Variants in PRTFDC1 observed in about 807,000 individuals in gnomAD.
PRTFDC1 encodes the protein phosphoribosyl transferase domain containing 1.
Under a neutral mutation model 34.6 loss-of-function variants are expected in PRTFDC1, and 38 were observed. That is an observed-to-expected ratio of 1.10 (90% CI 0.85 to 1.44). PRTFDC1 has a LOEUF of 1.44. Ranked by LOEUF, PRTFDC1 falls within the 40% of genes most tolerant of loss-of-function variation. The probability of loss-of-function intolerance (pLI) is 0.00; values close to 1 mark genes in which losing one functional copy is unlikely to be tolerated. For missense variants in PRTFDC1, 270 were observed against 283.0 expected, an observed-to-expected ratio of 0.95 and a Z score of 0.33; for synonymous variants, 93 against 98.1, an observed-to-expected ratio of 0.95 and a Z score of 0.31.
At chr10:24,946,553 C>T (rs1407255037) in intron 1 of PRTFDC1, among the ~76,000 whole-genome samples, 1 of 152,152 alleles carries the variant, frequency 6.6e-6, no homozygotes, top group East Asian at 1.9e-4. Flanking sequence ...ATGGAAATCT[C>T]ACACACCTGG....
intron 3 of PRTFDC1, among the ~76,000 whole-genome samples, chr10:24,895,080 A>G (rs1024634831): frequency 6.6e-6 from 1 of 152,154 alleles, no homozygotes; most frequent in Admixed American, 6.5e-5. Flanking sequence ...CTAAGATCAC[A>G]AAACTGGATG....
At chr10:24,942,191 T>C in intron 2 of PRTFDC1, 139 bp downstream of exon 2, 1 of 626,056 alleles carries the variant, frequency 1.6e-6, no homozygotes, top group Non-Finnish European at 2.9e-6. Context: ...TTATTCCAAA[T>C]TCACTGCCCT....
At chr10:24,907,325 T>G (rs1848552242) in intron 3 of PRTFDC1, among the ~76,000 whole-genome samples, 1 of 152,200 alleles carries the variant, frequency 6.6e-6, no homozygotes, top group Admixed American at 6.5e-5. Flanking sequence ...CTGGGTGTGG[T>G]GGCTCATGCC....
At chr10:24,908,484 A>G in intron 3 of PRTFDC1, 1 of 1,610,394 alleles carries the variant, frequency 6.2e-7, no homozygotes, top group South Asian at 1.1e-5. Context: ...GCTACTGTAC[A>G]CCTCACTGGA....
At chr10:24,929,858 T>C (rs1848944293) in intron 3 of PRTFDC1, among the ~76,000 whole-genome samples, 1 of 152,114 alleles carries the variant, frequency 6.6e-6, no homozygotes, top group Admixed American at 6.6e-5. Flanking sequence ...CAAAGTCCCT[T>C]AGAATAGATA....
intron 3 of PRTFDC1, among the ~76,000 whole-genome samples, chr10:24,932,756 G>A: frequency 6.6e-6 from 1 of 152,126 alleles, no homozygotes; most frequent in East Asian, 1.9e-4. Context: ...ATTCTAATGT[G>A]TTATTTTGTA....
At chr10:24,862,855 G>A (rs60665799) in intron 4 of PRTFDC1, among the ~76,000 whole-genome samples, 4,157 of 152,024 alleles carry the variant, frequency 0.027, 188 homozygotes, top group African/African-American at 0.091. Context: ...TCTGGGATCA[G>A]CGATCTTTAA....
intron 3 of PRTFDC1, among the ~76,000 whole-genome samples, chr10:24,881,276 A>G (rs920849661): frequency 1.3e-5 from 2 of 151,748 alleles, no homozygotes; most frequent in African/African-American, 2.4e-5. Flanking sequence ...TACTATGTTG[A>G]CCAGGCTGGT....
chr10:24,942,269 T>G, intron 2 of PRTFDC1, 61 bp downstream of exon 2: 1 of 1,352,232 alleles, frequency 7.4e-7, no homozygotes, highest in Non-Finnish European at 1.1e-6. Context: ...TATTGTGGGA[T>G]TCACACAAGT....
chr10:24,914,809 A>G (rs1370402238), intron 3 of PRTFDC1, among the ~76,000 whole-genome samples: 1 of 152,204 alleles, frequency 6.6e-6, no homozygotes, highest in Non-Finnish European at 1.5e-5. Context: ...TCTTTCTCAC[A>G]TTAAAACAAG....
chr10:24,878,241 C>A (rs991558804), intron 3 of PRTFDC1, among the ~76,000 whole-genome samples: 2 of 151,842 alleles, frequency 1.3e-5, no homozygotes, highest in Non-Finnish European at 2.9e-5. Context: ...CCACTGCACT[C>A]CAGCCTGGGC....
intron 3 of PRTFDC1, among the ~76,000 whole-genome samples, chr10:24,898,404 C>G (rs1019849620): frequency 7.0e-6 from 1 of 142,330 alleles, no homozygotes; most frequent in African/African-American, 2.6e-5. Flanking sequence ...GTCGAGGCTG[C>G]AGTGAGCCAT....
At chr10:24,865,403 C>T (rs533288749) in intron 4 of PRTFDC1, among the ~76,000 whole-genome samples, 2 of 152,260 alleles carry the variant, frequency 1.3e-5, no homozygotes, top group East Asian at 3.9e-4. Context: ...ACACACCATG[C>T]CTCCTAAACA....
intron 4 of PRTFDC1, among the ~76,000 whole-genome samples, chr10:24,871,122 A>G (rs1847861672): frequency 6.7e-6 from 1 of 149,686 alleles, no homozygotes; most frequent in South Asian, 2.1e-4. Context: ...TCCTATGATT[A>G]TTACACATAT....
chr10:24,895,088 A>T (rs542332216), intron 3 of PRTFDC1, among the ~76,000 whole-genome samples: 104 of 152,280 alleles, frequency 6.8e-4, no homozygotes, highest in Middle Eastern at 3.4e-3. Context: ...ACAAAACTGG[A>T]TGCCACCTTA....
intron 3 of PRTFDC1, among the ~76,000 whole-genome samples, chr10:24,876,056 A>G (rs1847958155): frequency 6.6e-6 from 1 of 151,996 alleles, no homozygotes. Context: ...AATACTTGAT[A>G]GGGCAAGTCT....
At chr10:24,919,060 T>TA (rs1376358870) in intron 3 of PRTFDC1, among the ~76,000 whole-genome samples, 1 of 152,204 alleles carries the variant, frequency 6.6e-6, no homozygotes, top group East Asian at 1.9e-4. Flanking sequence ...TGGTGGGCAC[T>TA]AATGAAATAA....
chr10:24,920,611 A>G (rs1222607049), intron 3 of PRTFDC1, among the ~76,000 whole-genome samples: 1 of 152,162 alleles, frequency 6.6e-6, no homozygotes, highest in African/African-American at 2.4e-5. Flanking sequence ...GGGTTGATAG[A>G]TGCAGCAAAT....
intron 3 of PRTFDC1, among the ~76,000 whole-genome samples, chr10:24,910,778 T>A (rs76111701): frequency 0.019 from 2,904 of 152,274 alleles, 106 homozygotes; most frequent in African/African-American, 0.067. Context: ...TAGTGATTAC[T>A]CATGACTTTT....
Sources: gnomAD v4.1 joint callset for allele counts (sites outside exome capture counted in the v4.1 genomes callset) on GRCh38, gnomAD v4.1.1 for gene constraint, MANE v1.5 for transcripts, NCBI Gene and HGNC (gene_info 2026-07-23, HGNC 2026-07-21) for gene names.